Variants in NDUFA10 observed in about 807,000 individuals in gnomAD.
NDUFA10 encodes the protein NADH:ubiquinone oxidoreductase subunit A10.
NDUFA10 carries 40 observed loss-of-function variants against 47.8 expected under a neutral mutation model. The observed-to-expected ratio is 0.84, with a 90% CI of 0.65 to 1.09. The LOEUF is 1.09. NDUFA10 is among the 50% of genes least tolerant of loss of function. The probability of loss-of-function intolerance (pLI) is 0.00; values close to 1 mark genes in which losing one functional copy is unlikely to be tolerated. For synonymous variants in NDUFA10, 183 were observed against 172.2 expected (o/e 1.06, Z -0.49); for missense variants, 413 against 451.1 (o/e 0.92, Z 0.76).
intron 4 of NDUFA10, among the ~76,000 whole-genome samples, chr2:239,951,082 A>G (rs781330323): frequency 2.6e-5 from 4 of 152,156 alleles, no homozygotes; most frequent in Non-Finnish European, 5.9e-5. Context: ...AAAAACCCTA[A>G]AACAATGCTG....
chr2:239,988,816 C>T (rs956459855), intron 9 of NDUFA10, among the ~76,000 whole-genome samples: 8 of 151,978 alleles, frequency 5.3e-5, no homozygotes, highest in South Asian at 2.1e-4. Flanking sequence ...AGAAACAGCA[C>T]ATGCACTCAC....
intron 5 of NDUFA10, 186 bp from the exon 6 acceptor site, chr2:240,011,882 C>G (rs1697158660): frequency 3.1e-6 from 2 of 643,178 alleles, no homozygotes. Context: ...CCTTCTACTA[C>G]AGTGAACACC....
intron 9 of NDUFA10, among the ~76,000 whole-genome samples, chr2:239,970,062 A>C (rs1000751518): frequency 6.6e-6 from 1 of 152,252 alleles, no homozygotes; most frequent in Non-Finnish European, 1.5e-5. Flanking sequence ...AGGCAGGATA[A>C]ATACCAAGAA....
Position 240,018,403 on chromosome 2 carries a change from T to C in NDUFA10, c.547+150A>G. 5 of 1,548,822 alleles carry C rather than the reference T, an allele frequency of 3.2e-6. No individual in the cohort carries two copies. In the East Asian group the frequency reaches 9.8e-5, roughly 30 times the overall value. ...GAAAGGGTGGAAGATACTTAGGAAG[T>C]TCCTTTTTCCAGCGGAGACCGATTA... is the stretch of plus-strand genomic sequence containing the variant. On this transcript the variant is annotated intron_variant, in intron 4 of 9. Transcript: ENST00000252711.
chr2:239,990,062 C>G lies in NDUFA10; in HGVS notation c.999+12G>C. On this transcript the variant is annotated intron_variant, in intron 9 of 9. Coordinates refer to ENST00000252711, the MANE Select transcript of NDUFA10 (RefSeq NM_004544.4). Reference sequence around the variant, plus strand: ...ATCCACTGGCCAGCTTTCTCCATTTCCACAGTCTTACCTCTCTGAACTGAT... The same window carrying G: ...ATCCACTGGCCAGCTTTCTCCATTTGCACAGTCTTACCTCTCTGAACTGAT... The G allele has an allele frequency of 6.3e-7, 1 of 1,585,986 alleles. No individual in the cohort carries two copies. Among genetic ancestry groups the G allele is most frequent in the Non-Finnish European group, 8.7e-7 (1 of 1,154,484 alleles).
chr2:240,007,724 A>G (rs1425160633), intron 6 of NDUFA10, among the ~76,000 whole-genome samples: 2 of 152,226 alleles, frequency 1.3e-5, no homozygotes, highest in African/African-American at 2.4e-5. Context: ...TACCATCGCC[A>G]AAGGCAGTGC....
At position 239,985,361 on chromosome 2, in the gene NDUFA10, T is replaced by C. The variant is rs138428712; in HGVS notation, c.999+4713A>G. On this transcript the variant is annotated intron_variant, in intron 9 of 9. Coordinates refer to ENST00000252711, the MANE Select transcript of NDUFA10 (RefSeq NM_004544.4). ...AATCAAAAACAAACCAGGATGAAAA[T>C]TCAAAACTCAAATATAAGAAATACA... Among the ~76,000 whole-genome samples, 33 of 150,866 alleles carry C rather than the reference T, an allele frequency of 2.2e-4. No individual in the cohort carries two copies. In the East Asian group the frequency reaches 6.4e-3, roughly 29 times the overall value.
intron 9 of NDUFA10, among the ~76,000 whole-genome samples, chr2:239,972,974 G>T (rs988873256): frequency 3.3e-5 from 5 of 152,192 alleles, no homozygotes; most frequent in African/African-American, 1.2e-4. Context: ...TAGACAGGCA[G>T]ATACCACATA....
At chr2:239,894,417 G>T (rs1693354180) in intron 5 of NDUFA10, among the ~76,000 whole-genome samples, 1 of 151,644 alleles carries the variant, frequency 6.6e-6, no homozygotes, top group Non-Finnish European at 1.5e-5. Context: ...CCTTCTCCCT[G>T]CCTCCCGTCC....
At chr2:239,912,523 C>T (rs1201419018) in intron 4 of NDUFA10, among the ~76,000 whole-genome samples, 1 of 152,218 alleles carries the variant, frequency 6.6e-6, no homozygotes, top group East Asian at 1.9e-4. Flanking sequence ...CTTTCCTGGG[C>T]AGAATGCCCT....
In NDUFA10 at chr2:239,961,111, G is replaced by A. The variant is rs1164582099; in HGVS notation, c.*7C>T. The A allele has an allele frequency of 1.3e-5, 21 of 1,614,028 alleles. No homozygotes were observed. Among genetic ancestry groups the A allele is most frequent in the Middle Eastern group, 1.7e-4 (1 of 6,054 alleles). On this transcript the variant is annotated 3_prime_UTR_variant, in exon 10 of 10. Coordinates refer to ENST00000252711, the MANE Select transcript of NDUFA10 (RefSeq NM_004544.4). ...CTGTGATGCAGCTGGAGCAGAAGGCGGCCCGTTCACTTCAGCCAGATCCAC... is the reference window on the plus strand; with the variant it reads ...CTGTGATGCAGCTGGAGCAGAAGGCAGCCCGTTCACTTCAGCCAGATCCAC...
At chr2:239,977,222 T>A (rs916155484) in intron 9 of NDUFA10, among the ~76,000 whole-genome samples, 2 of 152,184 alleles carry the variant, frequency 1.3e-5, no homozygotes, top group Non-Finnish European at 2.9e-5. Flanking sequence ...CCAACTGCCG[T>A]CTTCTCGTGT....
At chr2:239,915,557 T>A (rs374900493) in intron 4 of NDUFA10, among the ~76,000 whole-genome samples, 3 of 109,206 alleles carry the variant, frequency 2.7e-5, no homozygotes, top group African/African-American at 8.0e-5. Context: ...AACACACACA[T>A]ACACAGACAC....
At chr2:239,943,453 G>A (rs1011978829) in intron 4 of NDUFA10, among the ~76,000 whole-genome samples, 1 of 152,186 alleles carries the variant, frequency 6.6e-6, no homozygotes, top group African/African-American at 2.4e-5. Flanking sequence ...TCCCGCCTCA[G>A]CCTCCCAAAG....
At chr2:239,907,628 C>G (rs1307885795) in intron 4 of NDUFA10, among the ~76,000 whole-genome samples, 1 of 152,332 alleles carries the variant, frequency 6.6e-6, no homozygotes, top group South Asian at 2.1e-4. Flanking sequence ...ATTTATGCAG[C>G]CAACAGACAC....
chr2:239,970,961 TTG>T (rs1177301848), intron 9 of NDUFA10, among the ~76,000 whole-genome samples: 1 of 152,224 alleles, frequency 6.6e-6, no homozygotes, highest in African/African-American at 2.4e-5. Flanking sequence ...TATCCAGGGT[TTG>T]GCTAATAACA....
At chr2:239,931,609 CCAGTGCTTGGCACACAGCAGGTGCCCAGT>C (rs1694175719) in intron 4 of NDUFA10, among the ~76,000 whole-genome samples, 1 of 152,204 alleles carries the variant, frequency 6.6e-6, no homozygotes, top group South Asian at 2.1e-4. Flanking sequence ...AGCGCCCAAA[CCAGTGCTTGGCACACAGCAGGTGCCCAGT>C]CAGTGTTTAC....
chr2:240,004,838 C>T (rs892174060), intron 8 of NDUFA10, among the ~76,000 whole-genome samples: 1 of 152,168 alleles, frequency 6.6e-6, no homozygotes, highest in Admixed American at 6.5e-5. Flanking sequence ...ACTCACCACC[C>T]TGTTACTCAG....
At chr2:239,931,347 C>T (rs1309460167) in intron 4 of NDUFA10, among the ~76,000 whole-genome samples, 2 of 152,246 alleles carry the variant, frequency 1.3e-5, no homozygotes. Context: ...CCCCCTCCCT[C>T]TCCTTCGATG....
Sources: allele counts gnomAD v4.1 joint callset (sites outside exome capture counted in the v4.1 genomes callset), GRCh38; gene constraint gnomAD v4.1.1; transcripts MANE v1.5; gene names NCBI Gene and HGNC (gene_info 2026-07-23, HGNC 2026-07-21).